The following SLC2A14 variants were observed in gnomAD, a reference collection of about 807,000 sequenced individuals.
SLC2A14 encodes solute carrier family 2, facilitated glucose transporter member 14.
Under a neutral mutation model 43.0 loss-of-function variants are expected in SLC2A14, and 13 were observed. That is an observed-to-expected ratio of 0.30 (90% CI 0.20 to 0.48). SLC2A14 has a LOEUF of 0.48. SLC2A14 is among the 20% of genes least tolerant of loss of function. The pLI is 0.99. For synonymous variants in SLC2A14, 190 were observed against 233.8 expected (o/e 0.81, Z 1.71); for missense variants, 428 against 620.4 (o/e 0.69, Z 3.29).
chr12:7,874,666 C>T (rs553150492), upstream of SLC2A14, among the ~76,000 whole-genome samples: 365 of 143,474 alleles, frequency 2.5e-3, 1 homozygote, highest in South Asian at 4.7e-3. Context: ...AGCAAGATTC[C>T]ATCTCAAAAA....
chr12:7,812,801 C>T lies in SLC2A14; in HGVS notation c.*1515G>A, dbSNP rs999665618. 6.6e-6 allele frequency: 1 copy of T among 152,004 alleles called. No homozygotes were observed. Among genetic ancestry groups the T allele is most frequent in the Non-Finnish European group, 1.5e-5 (1 of 68,016 alleles). The allele number at this position is 152,004 out of a possible 1,614,324, so 9.4% of individuals were successfully genotyped here. ...ACTGGCAAGGGTTTGGCTAAAGGGT[C>T]TGAGATGTGTAAGCACCAAGAAGGG... On this transcript the variant is annotated 3_prime_UTR_variant, in exon 11 of 11. Coordinates refer to ENST00000431042, the MANE Select transcript of SLC2A14 (RefSeq NM_001286234.2).
chr12:7,826,986 T>TTCTCTCTCTTTCTCTCCTTTCTCTC lies in SLC2A14; in HGVS notation c.864+508_864+509insGAGAGAAAGGAGAGAAAGAGAGAGA, dbSNP rs34824750. ...CTCTTTCTCTCTCTCTTTCTCTCCTTTCTCTCTTTCTCTCCTTTCTCTCTC... is the reference window on the plus strand; with the variant it reads ...CTCTTTCTCTCTCTCTTTCTCTCCTTTCTCTCTCTTTCTCTCCTTTCTCTCTCTCTCTTTCTCTCCTTTCTCTCTC... On this transcript the variant is annotated intron_variant, in intron 7 of 10. Transcript: ENST00000431042. 4.6e-3 allele frequency among the ~76,000 whole-genome samples: 491 copies of TTCTCTCTCTTTCTCTCCTTTCTCTC among 106,622 alleles called. 26 individuals are homozygous for TTCTCTCTCTTTCTCTCCTTTCTCTC. The highest frequency in any genetic ancestry group is 0.016 in the African/African-American group (479 of 30,050). 69.9% of individuals were successfully genotyped at this position (106,622 alleles called of 152,430 possible).
chr12:7,843,946 C>T (rs1401279401), intron 2 of SLC2A14, among the ~76,000 whole-genome samples: 1 of 149,926 alleles, frequency 6.7e-6, no homozygotes, highest in Non-Finnish European at 1.5e-5. Context: ...GTGAGTTCTT[C>T]CTTCCTTTAT....
intron 6 of SLC2A14, among the ~76,000 whole-genome samples, chr12:7,828,024 A>G (rs1864645305): frequency 6.6e-6 from 1 of 151,648 alleles, no homozygotes. Flanking sequence ...CCATTCTTTT[A>G]TTCCTTTACT....
intron 1 of SLC2A14, among the ~76,000 whole-genome samples, chr12:7,882,858 C>A (rs367572111): frequency 1.3e-5 from 2 of 148,938 alleles, no homozygotes; most frequent in South Asian, 4.3e-4. Flanking sequence ...GAGACTTGTT[C>A]ACCACTTGGA....
At chr12:7,827,363 C>A in intron 7 of SLC2A14, 132 bp downstream of exon 7, 1 of 1,367,556 alleles carries the variant, frequency 7.3e-7, no homozygotes, top group South Asian at 1.5e-5. Context: ...GCAACCTTCG[C>A]CTCCCGGGTT....
intron 10 of SLC2A14, among the ~76,000 whole-genome samples, chr12:7,815,197 G>C (rs1037023594): frequency 1.3e-5 from 2 of 151,760 alleles, no homozygotes; most frequent in Non-Finnish European, 2.9e-5. Flanking sequence ...GATCCCTTGA[G>C]GCCAGGAGTT....
intron 2 of SLC2A14, among the ~76,000 whole-genome samples, chr12:7,845,396 T>C (rs1028871625): frequency 2.6e-5 from 4 of 152,170 alleles, no homozygotes; most frequent in African/African-American, 9.7e-5. Context: ...TCAACTGTAT[T>C]GCTTGACTTC....
intron 2 of SLC2A14, among the ~76,000 whole-genome samples, chr12:7,868,764 T>C (rs926616798): frequency 6.6e-6 from 1 of 152,164 alleles, no homozygotes; most frequent in African/African-American, 2.4e-5. Context: ...TCCCAGCATT[T>C]TGGGAGGCCG....
At chr12:7,861,804 A>C (rs1399667048) in intron 2 of SLC2A14, among the ~76,000 whole-genome samples, 1 of 151,924 alleles carries the variant, frequency 6.6e-6, no homozygotes, top group Non-Finnish European at 1.5e-5. Flanking sequence ...TATACTAAAA[A>C]TACAAAAATT....
chr12:7,821,346 C>A (rs1019703852), intron 7 of SLC2A14, 21 bp from the exon 8 acceptor site: 11 of 1,596,662 alleles, frequency 6.9e-6, no homozygotes, highest in Non-Finnish European at 9.4e-6. Context: ...AGAAAACATG[C>A]AGCTTTGATA....
chr12:7,842,952 T>C (rs1386178851), intron 2 of SLC2A14, among the ~76,000 whole-genome samples: 2 of 152,032 alleles, frequency 1.3e-5, no homozygotes, highest in African/African-American at 4.8e-5. Flanking sequence ...GGTCTCGAAC[T>C]CCCGACCTCA....
At chr12:7,879,864 G>T (rs1945535216) in intron 1 of SLC2A14, among the ~76,000 whole-genome samples, 1 of 151,306 alleles carries the variant, frequency 6.6e-6, no homozygotes, top group African/African-American at 2.4e-5. Context: ...AAATTAGCCA[G>T]ACATTGTGGT....
At chr12:7,831,842 C>A (rs1408866358) in intron 3 of SLC2A14, 78 bp from the exon 4 acceptor site, 11 of 1,568,434 alleles carry the variant, frequency 7.0e-6, no homozygotes, top group Non-Finnish European at 9.6e-6. Flanking sequence ...GGTGCAGTGG[C>A]TCACGCCTGT....
At chr12:7,874,805 T>C (rs1463402536), upstream of SLC2A14, among the ~76,000 whole-genome samples, 39 of 62,166 alleles carry the variant, frequency 6.3e-4, no homozygotes, top group African/African-American at 1.9e-3. Context: ...AAATAATATA[T>C]AAATACGTAT....
intron 2 of SLC2A14, among the ~76,000 whole-genome samples, chr12:7,863,025 G>A (rs995256228): frequency 1.3e-5 from 2 of 152,148 alleles, no homozygotes; most frequent in African/African-American, 4.8e-5. Flanking sequence ...TTGGCAACCA[G>A]CTTGGGTGTC....
chr12:7,836,609 G>A (rs1217710608), intron 2 of SLC2A14, among the ~76,000 whole-genome samples: 2 of 151,912 alleles, frequency 1.3e-5, no homozygotes, highest in Non-Finnish European at 2.9e-5. Flanking sequence ...GAGGGCGGAT[G>A]GATCACTTCA....
intron 2 of SLC2A14, among the ~76,000 whole-genome samples, chr12:7,845,698 GA>G (rs1424406306): frequency 3.4e-5 from 5 of 147,136 alleles, no homozygotes; most frequent in Admixed American, 7.1e-5. Flanking sequence ...AGAATGGCAT[GA>G]ACCCGGGAGG....
At chr12:7,879,626 G>A (rs1592329653) in intron 1 of SLC2A14, among the ~76,000 whole-genome samples, 1 of 152,100 alleles carries the variant, frequency 6.6e-6, no homozygotes, top group African/African-American at 2.4e-5. Flanking sequence ...GGAGGTTGCA[G>A]TGAGCCAAGA....
Sources: allele counts gnomAD v4.1 joint callset (sites outside exome capture counted in the v4.1 genomes callset), GRCh38; gene constraint gnomAD v4.1.1; transcripts MANE v1.5; gene names NCBI Gene and HGNC (gene_info 2026-07-23, HGNC 2026-07-21).